Variants in SPATA16 observed in about 807,000 individuals in gnomAD.
The protein encoded by SPATA16 is spermatogenesis-associated protein 16.
In SPATA16, 36 loss-of-function variants were observed where a neutral mutation model predicts 63.3. That is an observed-to-expected ratio of 0.57 (90% CI 0.44 to 0.75). The LOEUF is 0.75. Ranked by LOEUF, SPATA16 falls within the 30% of genes least tolerant of loss-of-function variation. SPATA16 has a pLI of 0.00. For synonymous variants in SPATA16, 203 were observed against 216.7 expected, an observed-to-expected ratio of 0.94 and a Z score of 0.56; for missense variants, 646 against 679.3, an observed-to-expected ratio of 0.95 and a Z score of 0.54.
intron 10 of SPATA16, among the ~76,000 whole-genome samples, chr3:172,902,070 C>G (rs1732136723): frequency 6.6e-6 from 1 of 152,312 alleles, no homozygotes; most frequent in East Asian, 1.9e-4. Flanking sequence ...CGGAGTCTTG[C>G]TCTGTCACCC....
At chr3:173,135,474 G>A (rs1264490083) in intron 1 of SPATA16, among the ~76,000 whole-genome samples, 1 of 151,978 alleles carries the variant, frequency 6.6e-6, no homozygotes, top group Non-Finnish European at 1.5e-5. Flanking sequence ...ATACAAGAAC[G>A]TTCACAGTAG....
At chr3:173,016,260 T>C (rs1735184254) in intron 4 of SPATA16, among the ~76,000 whole-genome samples, 1 of 152,176 alleles carries the variant, frequency 6.6e-6, no homozygotes. Flanking sequence ...ACCTGTAAAA[T>C]AAAAGAATCT....
chr3:172,943,238 A>G (rs1016277052), intron 6 of SPATA16, among the ~76,000 whole-genome samples: 4 of 152,230 alleles, frequency 2.6e-5, no homozygotes, highest in African/African-American at 7.2e-5. Flanking sequence ...AACATCTGGC[A>G]TAATATGAAT....
At chr3:172,962,552 T>C (rs1246581497) in intron 5 of SPATA16, among the ~76,000 whole-genome samples, 1 of 152,146 alleles carries the variant, frequency 6.6e-6, no homozygotes. Context: ...TTTTGAAAAG[T>C]AAAGAAAAAC....
intron 3 of SPATA16, among the ~76,000 whole-genome samples, chr3:173,028,029 T>TCCCTC (rs1735504169): frequency 1.7e-5 from 1 of 58,046 alleles, no homozygotes; most frequent in Non-Finnish European, 3.0e-5. Flanking sequence ...CTTCTTTCCT[T>TCCCTC]CCTTCCTTCC....
intron 2 of SPATA16, among the ~76,000 whole-genome samples, chr3:173,088,069 TC>T: frequency 1.4e-5 from 2 of 141,422 alleles, no homozygotes; most frequent in African/African-American, 2.7e-5. Flanking sequence ...TTTCTTTCTT[TC>T]TTTCTTTCTG....
At chr3:172,940,878 G>T (rs1347505350) in intron 6 of SPATA16, among the ~76,000 whole-genome samples, 2 of 152,156 alleles carry the variant, frequency 1.3e-5, no homozygotes, top group African/African-American at 4.8e-5. Flanking sequence ...AGCTACTCGG[G>T]AGGCTGAGGC....
At chr3:173,084,873 C>T (rs1737010112) in intron 2 of SPATA16, among the ~76,000 whole-genome samples, 1 of 152,122 alleles carries the variant, frequency 6.6e-6, no homozygotes. Flanking sequence ...CTCCATTGGT[C>T]TATATGTCTG....
At chr3:172,942,493 A>T (rs1025579952) in intron 6 of SPATA16, among the ~76,000 whole-genome samples, 3 of 151,292 alleles carry the variant, frequency 2.0e-5, no homozygotes, top group African/African-American at 7.4e-5. Flanking sequence ...CATAACAATA[A>T]CATACAATTA....
chr3:173,139,978 C>G (rs1004531674), intron 1 of SPATA16, among the ~76,000 whole-genome samples: 3 of 143,276 alleles, frequency 2.1e-5, no homozygotes, highest in Non-Finnish European at 3.0e-5. Context: ...GAGCAAGACT[C>G]TGTCTCAAAA....
At chr3:172,978,559 G>A (rs918622809) in intron 4 of SPATA16, among the ~76,000 whole-genome samples, 2 of 152,088 alleles carry the variant, frequency 1.3e-5, no homozygotes, top group East Asian at 1.9e-4. Context: ...AGGACAACAC[G>A]CCCTATATTT....
chr3:173,013,240 G>A (rs1400293554), intron 4 of SPATA16, among the ~76,000 whole-genome samples: 1 of 152,152 alleles, frequency 6.6e-6, no homozygotes, highest in African/African-American at 2.4e-5. Context: ...CAGTTGGAAA[G>A]GTTGTTACTA....
intron 4 of SPATA16, among the ~76,000 whole-genome samples, chr3:172,999,395 ATTTCTTTC>A (rs144082601): frequency 0.066 from 9,955 of 150,646 alleles, 483 homozygotes; most frequent in East Asian, 0.12. Flanking sequence ...CCCCTATTTC[ATTTCTTTC>A]TTTCTTTCTT....
intron 3 of SPATA16, among the ~76,000 whole-genome samples, chr3:173,035,300 G>A (rs544416349): frequency 6.6e-6 from 1 of 152,260 alleles, no homozygotes; most frequent in Admixed American, 6.6e-5. Flanking sequence ...GATTTGCAAT[G>A]ATAGGACAAT....
chr3:173,098,549 G>A (rs1047727340), intron 2 of SPATA16, among the ~76,000 whole-genome samples: 3 of 152,156 alleles, frequency 2.0e-5, no homozygotes, highest in Non-Finnish European at 4.4e-5. Context: ...ATGGAAGTCA[G>A]GAAAATCATT....
At chr3:173,033,481 T>C (rs1735649397) in intron 3 of SPATA16, among the ~76,000 whole-genome samples, 1 of 152,188 alleles carries the variant, frequency 6.6e-6, no homozygotes, top group Non-Finnish European at 1.5e-5. Flanking sequence ...GGCCCTATTA[T>C]CTTTCCTTTG....
chr3:172,950,777 C>T (rs1733411565), intron 6 of SPATA16, among the ~76,000 whole-genome samples: 1 of 152,014 alleles, frequency 6.6e-6, no homozygotes, highest in Non-Finnish European at 1.5e-5. Flanking sequence ...CATATTTACT[C>T]TTGGGATTTA....
chr3:172,978,139 C>CT (rs1734209818), intron 4 of SPATA16, among the ~76,000 whole-genome samples: 11 of 140,360 alleles, frequency 7.8e-5, no homozygotes, highest in Non-Finnish European at 1.6e-4. Flanking sequence ...CTCTCTCTCC[C>CT]TCTCTCTCTC....
At chr3:173,070,286 T>A (rs1736636794) in intron 2 of SPATA16, among the ~76,000 whole-genome samples, 1 of 150,640 alleles carries the variant, frequency 6.6e-6, no homozygotes, top group South Asian at 2.1e-4. Flanking sequence ...TCCCAGCCAC[T>A]CAGTAGGCTG....
Sources: gnomAD v4.1 joint callset for allele counts (sites outside exome capture counted in the v4.1 genomes callset) on GRCh38, gnomAD v4.1.1 for gene constraint, MANE v1.5 for transcripts, NCBI Gene and HGNC (gene_info 2026-07-23, HGNC 2026-07-21) for gene names.